Variants in GMDS observed in about 807,000 individuals in gnomAD.
GMDS encodes GDP-mannose 4,6 dehydratase.
GMDS carries 20 observed loss-of-function variants against 49.9 expected under a neutral mutation model. The observed-to-expected ratio is 0.40, with a 90% CI of 0.28 to 0.58. The LOEUF (loss-of-function observed/expected upper bound fraction) is 0.58, where lower values mean the gene tolerates loss of function less well. GMDS is among the 20% of genes least tolerant of loss of function. GMDS has a pLI of 0.42. For missense variants in GMDS, 362 were observed against 481.4 expected (o/e 0.75, Z 2.32); for synonymous variants, 177 against 178.6 (o/e 0.99, Z 0.07).
intron 4 of GMDS, among the ~76,000 whole-genome samples, chr6:2,035,977 G>T (rs1177816422): frequency 1.3e-5 from 2 of 152,050 alleles, no homozygotes; most frequent in South Asian, 4.2e-4. Context: ...ATGAGCCACC[G>T]CGCCCAGCCA....
At chr6:2,213,227 C>T (rs1478504110) in intron 1 of GMDS, among the ~76,000 whole-genome samples, 3 of 152,162 alleles carry the variant, frequency 2.0e-5, no homozygotes, top group Non-Finnish European at 2.9e-5. Context: ...TCAAGAGTCC[C>T]TCAAAATACG....
chr6:1,695,327 T>C (rs952349859), intron 9 of GMDS, among the ~76,000 whole-genome samples: 20 of 152,186 alleles, frequency 1.3e-4, no homozygotes, highest in African/African-American at 4.6e-4. Context: ...ATGAATAGCA[T>C]TGAAACGGTA....
rs183122164 is a variant in GMDS at position 1,766,386 on chromosome 6, C to T, written c.772-23800G>A. 3.7e-3 allele frequency among the ~76,000 whole-genome samples: 556 copies of T among 152,294 alleles called. 2 individuals carry two copies. The highest frequency in any genetic ancestry group is 0.012 in the African/African-American group (512 of 41,558). ...GAAAGGCTCTGCGTTAGAACCCACA[C>T]CTTCCGTCTCCCGGGCCAGGTCTCT... is the stretch of plus-strand genomic sequence containing the variant. On this transcript the variant is annotated intron_variant, in intron 7 of 10. Coordinates refer to ENST00000380815, the MANE Select transcript of GMDS (RefSeq NM_001500.4). The surrounding 1 kb of genome is among the most constrained non-coding windows in gnomAD (Gnocchi z 4.5).
intron 7 of GMDS, among the ~76,000 whole-genome samples, chr6:1,789,512 A>ATTTTTTCTTTTTCTTTTTTCTTTTTTTT (rs1769443543): frequency 7.3e-6 from 1 of 137,040 alleles, no homozygotes; most frequent in Non-Finnish European, 1.6e-5. Context: ...ACAAAAAATT[A>ATTTTTTCTTTTTCTTTTTTCTTTTTTTT]TTTTTTCTTT....
chr6:1,678,974 A>G (rs934511211), intron 9 of GMDS, among the ~76,000 whole-genome samples: 1 of 152,218 alleles, frequency 6.6e-6, no homozygotes, highest in African/African-American at 2.4e-5. Flanking sequence ...CTGACAGCAA[A>G]GCAAACTGAC....
At chr6:1,655,823 T>C (rs1309536255) in intron 9 of GMDS, among the ~76,000 whole-genome samples, 2 of 152,168 alleles carry the variant, frequency 1.3e-5, no homozygotes, top group East Asian at 3.8e-4. Context: ...CATATTTTTA[T>C]ACAAAACCGG....
At chr6:1,704,670 T>C (rs1475001363) in intron 9 of GMDS, among the ~76,000 whole-genome samples, 1 of 152,198 alleles carries the variant, frequency 6.6e-6, no homozygotes, top group Non-Finnish European at 1.5e-5. Context: ...CAGTGTGTAA[T>C]ACGTACGCGG....
At chr6:2,065,555 C>A (rs959061477) in intron 4 of GMDS, among the ~76,000 whole-genome samples, 3 of 151,848 alleles carry the variant, frequency 2.0e-5, no homozygotes, top group Non-Finnish European at 4.4e-5. Context: ...CTAGAATAAA[C>A]CAATACAGAG....
intron 4 of GMDS, among the ~76,000 whole-genome samples, chr6:2,079,628 A>G (rs1441221818): frequency 6.6e-6 from 1 of 152,128 alleles, no homozygotes. Flanking sequence ...CTTTGAATGT[A>G]TCATTCTTTC....
chr6:2,229,408 C>CAAAAAAAAAA (rs1210456971), intron 1 of GMDS, among the ~76,000 whole-genome samples: 2 of 89,260 alleles, frequency 2.2e-5, no homozygotes, highest in African/African-American at 3.8e-5. Context: ...CCTGTTTCTA[C>CAAAAAAAAAA]AAAAAAAAAA....
chr6:2,047,663 C>A (rs11242734), intron 4 of GMDS, among the ~76,000 whole-genome samples: 34,489 of 151,496 alleles, frequency 0.23, 4,095 homozygotes, highest in Non-Finnish European at 0.25. Context: ...TAATTTTCGT[C>A]ATTTTAGTAG....
chr6:1,732,668 A>C (rs1481949441), intron 8 of GMDS, among the ~76,000 whole-genome samples: 11 of 152,358 alleles, frequency 7.2e-5, no homozygotes, highest in South Asian at 2.1e-4. Context: ...AGTGTACCAC[A>C]GCAGAACAAC....
rs139887973 is a variant in GMDS, at chr6:1,851,080, G to T, written c.771+79023C>A. ...CAGCAAATGCTCTATCAGGCAGGCT[G>T]TACGAGGTTAAGGACTTTGAGAGAT... On this transcript the variant is annotated intron_variant, in intron 7 of 10. Coordinates refer to ENST00000380815, the MANE Select transcript of GMDS (RefSeq NM_001500.4). Among the ~76,000 whole-genome samples, 10 of 152,328 alleles carry T rather than the reference G, an allele frequency of 6.6e-5. No homozygotes were observed. The East Asian group carries it at 1.7e-3, about 26-fold the overall frequency.
intron 7 of GMDS, among the ~76,000 whole-genome samples, chr6:1,889,981 A>G (rs1581312343): frequency 6.6e-6 from 1 of 152,112 alleles, no homozygotes; most frequent in Non-Finnish European, 1.5e-5. Context: ...TTATGGATGA[A>G]TTACATTTTA....
intron 4 of GMDS, among the ~76,000 whole-genome samples, chr6:1,966,466 A>G (rs552013699): frequency 1.2e-4 from 18 of 151,608 alleles, no homozygotes; most frequent in African/African-American, 3.6e-4. Flanking sequence ...TATTCTTCCA[A>G]TTTTCTTTCC....
chr6:2,197,642 C>T (rs1462353102), intron 1 of GMDS, among the ~76,000 whole-genome samples: 1 of 152,206 alleles, frequency 6.6e-6, no homozygotes, highest in Non-Finnish European at 1.5e-5. Flanking sequence ...GACACATGGG[C>T]TTGGCATTTT....
At chr6:2,136,470 AC>A (rs1285708878) in intron 1 of GMDS, among the ~76,000 whole-genome samples, 1 of 152,240 alleles carries the variant, frequency 6.6e-6, no homozygotes, top group Non-Finnish European at 1.5e-5. Flanking sequence ...TAATTCCAGC[AC>A]TTTGGGAAGC....
intron 7 of GMDS, among the ~76,000 whole-genome samples, chr6:1,762,106 T>G (rs534033317): frequency 6.6e-6 from 1 of 152,350 alleles, no homozygotes; most frequent in Admixed American, 6.5e-5. Flanking sequence ...AGGCAATTTT[T>G]ATTAAGTTAT....
chr6:1,845,913 G>A (rs959729233), intron 7 of GMDS, among the ~76,000 whole-genome samples: 1 of 151,906 alleles, frequency 6.6e-6, no homozygotes, highest in Non-Finnish European at 1.5e-5. Context: ...CAGGGGGTTG[G>A]GGACCCCTGC....
Sources: gnomAD v4.1 joint callset for allele counts (sites outside exome capture counted in the v4.1 genomes callset) on GRCh38, gnomAD v4.1.1 for gene constraint, Gnocchi (gnomAD v3.1) non-coding constraint, MANE v1.5 for transcripts, NCBI Gene and HGNC (gene_info 2026-07-23, HGNC 2026-07-21) for gene names.